ZNF705G: variants seen among roughly 807,000 people sequenced by gnomAD.
The protein encoded by ZNF705G is putative zinc finger protein 705G.
Under a neutral mutation model 19.6 loss-of-function variants are expected in ZNF705G, and 23 were observed. That is an observed-to-expected ratio of 1.17 (90% CI 0.84 to 1.66). The LOEUF (loss-of-function observed/expected upper bound fraction) is 1.66, where lower values mean the gene tolerates loss of function less well. Among genes scored for constraint, ZNF705G ranks in the 40% most tolerant of loss-of-function variants. ZNF705G has a pLI of 0.00. For missense variants in ZNF705G, 457 were observed against 354.4 expected (o/e 1.29, Z -2.32); for synonymous variants, 146 against 117.7 (o/e 1.24, Z -1.56).
intron 2 of ZNF705G, among the ~76,000 whole-genome samples, chr8:7,376,589 T>C (rs1482344469): frequency 7.2e-6 from 1 of 137,998 alleles, no homozygotes; most frequent in African/African-American, 3.0e-5. Flanking sequence ...TCAACAAGTA[T>C]AGTTTTTGAG....
rs188993355 is a variant in ZNF705G at position 7,362,836 on chromosome 8, A to C, written c.12+99T>G. The C allele has an allele frequency of 1.0e-4, 165 of 1,584,966 alleles. 1 individual carries two copies. Among genetic ancestry groups the C allele is most frequent in the South Asian group, 5.3e-4 (47 of 89,472 alleles). On this transcript the variant is annotated intron_variant, in intron 3 of 6. Transcript: ENST00000400156. Reference sequence around the variant, plus strand: ...TACATCATAAAAACAAACAAACAAAAAAAGAATAAAAATGAAACACCCATG... The same window carrying C: ...TACATCATAAAAACAAACAAACAAACAAAGAATAAAAATGAAACACCCATG...
rs1806575832 is a variant in ZNF705G at position 7,361,206 on chromosome 8, C to T, written c.43G>A (p.Asp15Asn). 6.3e-7 allele frequency: 1 copy of T among 1,592,768 alleles called. No homozygotes were observed. Among genetic ancestry groups the T allele is most frequent in the Non-Finnish European group, 8.5e-7 (1 of 1,179,398 alleles). The change falls in exon 4 of 7, where the codon GAC (aspartate) becomes AAC (asparagine). Residue 15 changes from aspartate (D) to asparagine (N), a missense_variant. Transcript: ENST00000400156. ...KKLTFEDVAI[D>N]FTQEEWAMMD... ...ATGGCCCACTCTTCCTGGGTGAAGT[C>T]AATAGCTACATCTTCAAAAGTCAGT...
Position 7,370,354 on chromosome 8 carries a change from T to G in ZNF705G, c.-71-7337A>C, listed in dbSNP as rs190898515. 3.9e-3 allele frequency among the ~76,000 whole-genome samples: 580 copies of G among 148,966 alleles called. 49 individuals carry two copies. Among genetic ancestry groups the G allele is most frequent in the African/African-American group, 0.014 (537 of 38,614 alleles). On this transcript the variant is annotated intron_variant, in intron 2 of 6. Coordinates refer to ENST00000400156, the MANE Select transcript of ZNF705G (RefSeq NM_001164457.3). ...TGGCCAACAAATATATGAAAAAAATTCTTACCATCTCTAATCATCAGGGGG... is the reference window on the plus strand; with the variant it reads ...TGGCCAACAAATATATGAAAAAAATGCTTACCATCTCTAATCATCAGGGGG...
At chr8:7,361,277 C>T (rs775118471) in intron 3 of ZNF705G, 41 bp from the exon 4 acceptor site, 4 of 1,592,252 alleles carry the variant, frequency 2.5e-6, no homozygotes, top group Non-Finnish European at 3.4e-6. Flanking sequence ...AGAGAAATTC[C>T]TTTCAATGTC....
At position 7,381,018 on chromosome 8, in the gene ZNF705G, A is replaced by G. The variant is rs1563303259; in HGVS notation, c.-72+434T>C. 3.8e-5 allele frequency among the ~76,000 whole-genome samples: 3 copies of G among 79,208 alleles called. No individual in the cohort carries two copies. The East Asian group carries it at 1.1e-3, about 29-fold the overall frequency. The allele number at this position is 79,208 out of a possible 152,430, so 52.0% of individuals were successfully genotyped here. ...CCTACAGAGCTAGACTCTGTCTCAA[A>G]CCACCACCAAAAAAAAAAAAAAAAA... On this transcript the variant is annotated intron_variant, in intron 2 of 6. Coordinates refer to ENST00000400156, the MANE Select transcript of ZNF705G (RefSeq NM_001164457.3).
chr8:7,364,065 G>A (rs1224208238), intron 2 of ZNF705G, among the ~76,000 whole-genome samples: 5 of 149,434 alleles, frequency 3.3e-5, no homozygotes, highest in Non-Finnish European at 7.4e-5. Context: ...TTTTACTAAC[G>A]TGGTATCTAA....
chr8:7,368,465 T>G lies in ZNF705G; in HGVS notation c.-71-5448A>C, dbSNP rs188044965. On this transcript the variant is annotated intron_variant, in intron 2 of 6. Coordinates refer to ENST00000400156, the MANE Select transcript of ZNF705G (RefSeq NM_001164457.3). ...GACTTGAAAACAAATGGAAGGCGAA[T>G]AGATATAAAAAGTTTCAATGTTCAT... 4.0e-5 allele frequency among the ~76,000 whole-genome samples: 6 copies of G among 149,386 alleles called. No individual in the cohort carries two copies. In the East Asian group the frequency reaches 1.2e-3, roughly 29 times the overall value.
chr8:7,380,106 AG>A (rs1807422259), intron 2 of ZNF705G, among the ~76,000 whole-genome samples: 1 of 143,840 alleles, frequency 7.0e-6, no homozygotes, highest in African/African-American at 2.9e-5. Flanking sequence ...CCCAGAACAA[AG>A]GGAGCTGAAG....
intron 4 of ZNF705G, among the ~76,000 whole-genome samples, chr8:7,360,853 T>A (rs1401180745): frequency 6.7e-6 from 1 of 149,480 alleles, no homozygotes; most frequent in Non-Finnish European, 1.5e-5. Flanking sequence ...GTTATGAGTA[T>A]TAGAGACTGA....
intron 6 of ZNF705G, 73 bp downstream of exon 6, chr8:7,359,546 T>C (rs1265352692): frequency 4.4e-6 from 7 of 1,592,042 alleles, no homozygotes; most frequent in Non-Finnish European, 6.0e-6. Flanking sequence ...CAGGTGATTG[T>C]GCTTCATTAC....
chr8:7,380,945 A>G (rs1585430530), intron 2 of ZNF705G, among the ~76,000 whole-genome samples: 1 of 125,482 alleles, frequency 8.0e-6, no homozygotes, highest in South Asian at 2.6e-4. Flanking sequence ...TGAGCCCAGG[A>G]GGCAGAGTTG....
intron 4 of ZNF705G, 136 bp from the exon 5 acceptor site, chr8:7,360,468 A>T (rs1363842531): frequency 7.2e-7 from 1 of 1,380,940 alleles, no homozygotes; most frequent in Admixed American, 2.1e-5. Context: ...GAACACAGAA[A>T]ACTCCCCAGG....
intron 2 of ZNF705G, among the ~76,000 whole-genome samples, chr8:7,367,905 A>G (rs1427598691): frequency 2.0e-5 from 3 of 149,710 alleles, no homozygotes; most frequent in Non-Finnish European, 4.4e-5. Context: ...TTGTAAGGGA[A>G]TGAGGCCAGT....
chr8:7,369,645 C>A (rs552164216), intron 2 of ZNF705G, among the ~76,000 whole-genome samples: 2 of 149,704 alleles, frequency 1.3e-5, no homozygotes, highest in Non-Finnish European at 2.9e-5. Context: ...ATGGAATCAA[C>A]CTAGATGCCC....
At chr8:7,364,159 G>A (rs541660862) in intron 2 of ZNF705G, among the ~76,000 whole-genome samples, 8 of 149,582 alleles carry the variant, frequency 5.3e-5, no homozygotes, top group South Asian at 2.1e-4. Flanking sequence ...GAGAAATACC[G>A]ATGTCCATGT....
At chr8:7,369,467 C>A (rs1267669652) in intron 2 of ZNF705G, among the ~76,000 whole-genome samples, 1 of 149,488 alleles carries the variant, frequency 6.7e-6, no homozygotes. Flanking sequence ...AATGGTAGAT[C>A]CACTGTCAGC....
chr8:7,358,339 G>A lies in ZNF705G; in HGVS notation c.540C>T (p.Ala180=). 1 of 1,607,548 alleles carries A rather than the reference G, an allele frequency of 6.2e-7. No homozygotes were observed. Among genetic ancestry groups the A allele is most frequent in the Non-Finnish European group, 8.5e-7 (1 of 1,179,614 alleles). ...KSYQCNLCEK[A]YTNCFHLRRH... ...GTCTAAGGTGAAAGCAATTAGTATA[G>A]GCCTTTTCACATAGATTACACTGAT... The change falls in exon 7 of 7, where the codon GCC becomes GCT. Residue 180 remains alanine (A), a synonymous_variant. Transcript: ENST00000400156.
At chr8:7,379,709 C>T (rs1474500153) in intron 2 of ZNF705G, among the ~76,000 whole-genome samples, 1 of 147,272 alleles carries the variant, frequency 6.8e-6, no homozygotes, top group Non-Finnish European at 1.5e-5. Context: ...ACTGTGGACA[C>T]TGCAATCCTA....
intron 1 of ZNF705G, among the ~76,000 whole-genome samples, chr8:7,382,899 G>C (rs913853639): frequency 6.8e-6 from 1 of 147,034 alleles, no homozygotes; most frequent in Non-Finnish European, 1.5e-5. Context: ...CCTGAGTAGA[G>C]TACATTGTAC....
Sources: gnomAD v4.1 joint callset for allele counts (sites outside exome capture counted in the v4.1 genomes callset) on GRCh38, gnomAD v4.1.1 for gene constraint, MANE v1.5 for transcripts, NCBI Gene and HGNC (gene_info 2026-07-23, HGNC 2026-07-21) for gene names.